Variants in KCND2 observed in about 807,000 individuals in gnomAD.
KCND2 encodes A-type voltage-gated potassium channel KCND2.
In KCND2, 16 loss-of-function variants were observed where a neutral mutation model predicts 54.4. That is an observed-to-expected ratio of 0.29 (90% CI 0.20 to 0.45). The LOEUF (loss-of-function observed/expected upper bound fraction) is 0.45. Among genes scored for constraint, KCND2 ranks in the 20% least tolerant of loss-of-function variants. The pLI is 1.00. For synonymous variants in KCND2, 317 were observed against 310.7 expected, an observed-to-expected ratio of 1.02 and a Z score of -0.21; for missense variants, 486 against 824.2, an observed-to-expected ratio of 0.59 and a Z score of 5.02.
chr7:120,294,495 A>G (rs1432973234), intron 1 of KCND2, among the ~76,000 whole-genome samples: 1 of 151,818 alleles, frequency 6.6e-6, no homozygotes, highest in Non-Finnish European at 1.5e-5. Context: ...TTATAAAATC[A>G]CTAGATCTGA....
intron 1 of KCND2, among the ~76,000 whole-genome samples, chr7:120,432,334 G>A (rs2116167455): frequency 6.6e-6 from 1 of 152,268 alleles, no homozygotes; most frequent in African/African-American, 2.4e-5. Flanking sequence ...GGATTCTTGT[G>A]CTTCTTGACA....
chr7:120,582,625 C>T (rs566879229), intron 1 of KCND2, among the ~76,000 whole-genome samples: 2 of 152,198 alleles, frequency 1.3e-5, no homozygotes, highest in South Asian at 4.2e-4. Context: ...TCCATCCTCC[C>T]ATTCCATAAA....
At chr7:120,679,499 A>G (rs1792113423) in intron 1 of KCND2, among the ~76,000 whole-genome samples, 1 of 152,114 alleles carries the variant, frequency 6.6e-6, no homozygotes. Flanking sequence ...AAGGGAACTG[A>G]CATGATTCCT....
intron 1 of KCND2, among the ~76,000 whole-genome samples, chr7:120,578,548 A>G (rs935175021): frequency 2.0e-5 from 3 of 152,144 alleles, no homozygotes; most frequent in African/African-American, 7.2e-5. Context: ...CCTAGCGAAC[A>G]TGGTGAAATC....
intron 1 of KCND2, among the ~76,000 whole-genome samples, chr7:120,471,284 A>AT (rs1365723390): frequency 6.6e-6 from 1 of 152,004 alleles, no homozygotes; most frequent in Non-Finnish European, 1.5e-5. Context: ...GACAGCATTA[A>AT]TTTTTTCATA....
chr7:120,622,662 C>T (rs1793113719), intron 1 of KCND2, among the ~76,000 whole-genome samples: 1 of 143,216 alleles, frequency 7.0e-6, no homozygotes, highest in East Asian at 2.2e-4. Context: ...CTTCCTTTTC[C>T]TTACACACAC....
intron 1 of KCND2, among the ~76,000 whole-genome samples, chr7:120,319,817 C>T (rs937537795): frequency 6.6e-6 from 1 of 152,030 alleles, no homozygotes; most frequent in African/African-American, 2.4e-5. Flanking sequence ...ATAGTAGAAG[C>T]CATATAATCA....
chr7:120,733,935 CTAA>C (rs1410501785), intron 2 of KCND2, among the ~76,000 whole-genome samples: 4 of 152,084 alleles, frequency 2.6e-5, no homozygotes, highest in African/African-American at 9.6e-5. Flanking sequence ...AGACATTAGC[CTAA>C]TGTTTTTCAC....
chr7:120,611,603 A>C (rs1308311880), intron 1 of KCND2, among the ~76,000 whole-genome samples: 3 of 152,190 alleles, frequency 2.0e-5, no homozygotes, highest in East Asian at 1.9e-4. Flanking sequence ...TGAATTGGTG[A>C]GATTAGAAAG....
intron 1 of KCND2, among the ~76,000 whole-genome samples, chr7:120,450,693 G>A (rs1200216623): frequency 6.6e-6 from 1 of 152,166 alleles, no homozygotes; most frequent in Non-Finnish European, 1.5e-5. Context: ...AATACAATTT[G>A]GCCAGCATAA....
chr7:120,732,606 A>G (rs1414464814), intron 1 of KCND2, among the ~76,000 whole-genome samples: 4 of 152,174 alleles, frequency 2.6e-5, no homozygotes, highest in Non-Finnish European at 4.4e-5. Context: ...GAACTGTGTC[A>G]TGGCATATAA....
intron 1 of KCND2, among the ~76,000 whole-genome samples, chr7:120,713,479 TCA>T (rs1404585234): frequency 2.0e-5 from 3 of 152,124 alleles, no homozygotes; most frequent in Non-Finnish European, 2.9e-5. Context: ...TGAGAAAAAC[TCA>T]CAGTCATGTT....
At chr7:120,509,064 A>C (rs899192340) in intron 1 of KCND2, among the ~76,000 whole-genome samples, 2 of 151,980 alleles carry the variant, frequency 1.3e-5, no homozygotes, top group Non-Finnish European at 2.9e-5. Flanking sequence ...ATTACTGCCA[A>C]CAGTTTTCAA....
chr7:120,540,704 G>A (rs1475317401), intron 1 of KCND2, among the ~76,000 whole-genome samples: 1 of 152,084 alleles, frequency 6.6e-6, no homozygotes, highest in East Asian at 1.9e-4. Context: ...TGTCTACACA[G>A]GCAACTTCCA....
intron 1 of KCND2, among the ~76,000 whole-genome samples, chr7:120,306,211 C>T (rs1265115988): frequency 2.0e-5 from 3 of 152,008 alleles, no homozygotes; most frequent in African/African-American, 4.8e-5. Context: ...CCACCTCCTC[C>T]GTAAAACAGC....
intron 1 of KCND2, among the ~76,000 whole-genome samples, chr7:120,517,567 C>T (rs1189299449): frequency 6.6e-6 from 1 of 152,060 alleles, no homozygotes; most frequent in Non-Finnish European, 1.5e-5. Flanking sequence ...ATTAATTGAT[C>T]TGAACCTCTC....
At chr7:120,330,903 TGTTA>T (rs553922213) in intron 1 of KCND2, among the ~76,000 whole-genome samples, 144 of 152,232 alleles carry the variant, frequency 9.5e-4, no homozygotes, top group South Asian at 1.7e-3. Context: ...CTATCAATGT[TGTTA>T]GTTATGTAAG....
At chr7:120,653,182 C>T (rs1584870473) in intron 1 of KCND2, among the ~76,000 whole-genome samples, 4 of 151,424 alleles carry the variant, frequency 2.6e-5, no homozygotes, top group Admixed American at 6.6e-5. Context: ...CACAGGCACA[C>T]ACCACCATGC....
intron 1 of KCND2, among the ~76,000 whole-genome samples, chr7:120,612,886 G>A (rs1792973870): frequency 6.6e-6 from 1 of 152,130 alleles, no homozygotes; most frequent in Non-Finnish European, 1.5e-5. Context: ...TGATTAATTG[G>A]AAAAGGGTTG....
Sources: gnomAD v4.1 joint callset for allele counts (sites outside exome capture counted in the v4.1 genomes callset) on GRCh38, gnomAD v4.1.1 for gene constraint, MANE v1.5 for transcripts, NCBI Gene and HGNC (gene_info 2026-07-23, HGNC 2026-07-21) for gene names.